ASIC2: variants seen among roughly 807,000 people sequenced by gnomAD.
ASIC2 encodes the protein acid-sensing ion channel 2.
ASIC2 carries 25 observed loss-of-function variants against 57.3 expected under a neutral mutation model. The observed-to-expected ratio is 0.44, with a 90% CI of 0.32 to 0.61. The LOEUF is 0.61. Ranked by LOEUF, ASIC2 falls within the 20% of genes least tolerant of loss-of-function variation. ASIC2 has a pLI of 0.06. For synonymous variants in ASIC2, 319 were observed against 307.5 expected (o/e 1.04, Z -0.39); for missense variants, 641 against 738.1 (o/e 0.87, Z 1.52).
At chr17:33,825,205 CCATAT>C (rs2141895867) in intron 1 of ASIC2, among the ~76,000 whole-genome samples, 1 of 152,254 alleles carries the variant, frequency 6.6e-6, no homozygotes, top group East Asian at 1.9e-4. Flanking sequence ...GCAGTAAATA[CCATAT>C]CATAAGAAGG....
At position 34,109,613 on chromosome 17, in the gene ASIC2, G is replaced by A. The variant is rs147102516; in HGVS notation, c.555+46365C>T. 3.1e-3 allele frequency among the ~76,000 whole-genome samples: 465 copies of A among 152,186 alleles called. 1 individual carries two copies. The Middle Eastern group carries it at 0.041, about 13-fold the overall frequency. ...GATATCCTTTCCAACACTTGGTAAC[G>A]TTACACACACCCAAACACATGCCCA... On this transcript the variant is annotated intron_variant, in intron 1 of 9. Transcript: ENST00000359872.
At chr17:33,710,992 GCTGT>G (rs10566563) in intron 1 of ASIC2, among the ~76,000 whole-genome samples, 52,553 of 151,524 alleles carry the variant, frequency 0.35, 10,662 homozygotes, top group African/African-American at 0.58. Context: ...TGTTATCCAG[GCTGT>G]CTGTCATACA....
chr17:33,028,857 G>A (rs1411709559), intron 3 of ASIC2, among the ~76,000 whole-genome samples: 2 of 152,160 alleles, frequency 1.3e-5, no homozygotes, highest in African/African-American at 4.8e-5. Context: ...CCTGGAGGAC[G>A]AAACCCAGAG....
intron 1 of ASIC2, among the ~76,000 whole-genome samples, chr17:33,298,927 A>G (rs543740131): frequency 6.6e-6 from 1 of 152,326 alleles, no homozygotes; most frequent in South Asian, 2.1e-4. Context: ...CCACTGCTCA[A>G]CGAAATAAAA....
At chr17:34,015,730 A>G (rs1906926223) in intron 1 of ASIC2, among the ~76,000 whole-genome samples, 1 of 152,268 alleles carries the variant, frequency 6.6e-6, no homozygotes, top group Non-Finnish European at 1.5e-5. Context: ...TTTTCTTAGC[A>G]TGTTTTAGGT....
intron 1 of ASIC2, among the ~76,000 whole-genome samples, chr17:33,845,853 A>T (rs868602115): frequency 1.6e-4 from 25 of 152,332 alleles, no homozygotes; most frequent in African/African-American, 6.0e-4. Context: ...GCTTGTAAGG[A>T]TGAGGCCACA....
chr17:33,881,694 A>G (rs1597914946), intron 1 of ASIC2, among the ~76,000 whole-genome samples: 2 of 152,322 alleles, frequency 1.3e-5, no homozygotes, highest in African/African-American at 4.8e-5. Context: ...GCCCAAGGTA[A>G]TTTATAGATT....
At chr17:33,447,675 A>G (rs1435175717) in intron 1 of ASIC2, among the ~76,000 whole-genome samples, 3 of 152,186 alleles carry the variant, frequency 2.0e-5, no homozygotes, top group Non-Finnish European at 4.4e-5. Context: ...GATAGCTTCA[A>G]GAGAGATACA....
intron 1 of ASIC2, among the ~76,000 whole-genome samples, chr17:33,665,835 C>T (rs1907455164): frequency 6.6e-6 from 1 of 152,148 alleles, no homozygotes; most frequent in Non-Finnish European, 1.5e-5. Context: ...TGGCTGCATT[C>T]TCCAAATTGA....
chr17:33,353,745 A>G (rs190081853), intron 1 of ASIC2, among the ~76,000 whole-genome samples: 1 of 152,234 alleles, frequency 6.6e-6, no homozygotes, highest in Non-Finnish European at 1.5e-5. Flanking sequence ...TCTTGGAACC[A>G]TTTTTATGAT....
chr17:33,756,466 C>T (rs1157179901), intron 1 of ASIC2, among the ~76,000 whole-genome samples: 1 of 152,218 alleles, frequency 6.6e-6, no homozygotes, highest in African/African-American at 2.4e-5. Context: ...GATGTCAGAG[C>T]TCCAACTCAA....
At chr17:33,777,792 G>T (rs1050972144) in intron 1 of ASIC2, among the ~76,000 whole-genome samples, 3 of 152,224 alleles carry the variant, frequency 2.0e-5, no homozygotes, top group African/African-American at 7.2e-5. Flanking sequence ...GGTAGCAGGT[G>T]TGCGGTTATT....
chr17:34,099,900 G>A (rs1910797846), intron 1 of ASIC2, among the ~76,000 whole-genome samples: 1 of 152,218 alleles, frequency 6.6e-6, no homozygotes, highest in African/African-American at 2.4e-5. Flanking sequence ...TGACTGGCAG[G>A]TCATACAGGG....
At chr17:34,131,530 C>T (rs1394326822) in intron 1 of ASIC2, among the ~76,000 whole-genome samples, 5 of 152,144 alleles carry the variant, frequency 3.3e-5, no homozygotes, top group African/African-American at 9.7e-5. Flanking sequence ...GAGCTGTCAC[C>T]CTCCAGGACC....
At chr17:34,089,269 A>C (rs1158031309) in intron 1 of ASIC2, among the ~76,000 whole-genome samples, 1 of 152,212 alleles carries the variant, frequency 6.6e-6, no homozygotes, top group African/African-American at 2.4e-5. Context: ...CAGTGTTAAC[A>C]AGGGTAGATA....
In ASIC2 at chr17:33,086,787, C is replaced by A. The variant is rs370519228; in HGVS notation, c.987+2076G>T. ...ACCTGAATATAGGGCCCCTGTCTCCCCGTCTCTGTGGGAGGGTAGGAGCCT... is the reference window on the plus strand; with the variant it reads ...ACCTGAATATAGGGCCCCTGTCTCCACGTCTCTGTGGGAGGGTAGGAGCCT... On this transcript the variant is annotated intron_variant, in intron 3 of 9. Transcript: ENST00000225823. 2.0e-5 allele frequency among the ~76,000 whole-genome samples: 3 copies of A among 152,286 alleles called. No homozygotes were observed. The East Asian group carries it at 5.8e-4, about 29-fold the overall frequency.
At chr17:33,922,198 G>A (rs748633215) in intron 1 of ASIC2, among the ~76,000 whole-genome samples, 2 of 152,192 alleles carry the variant, frequency 1.3e-5, no homozygotes, top group African/African-American at 4.8e-5. Flanking sequence ...ATCCTTGCTC[G>A]GCTGCTTGTT....
intron 3 of ASIC2, among the ~76,000 whole-genome samples, chr17:33,033,652 C>T (rs867003831): frequency 1.3e-5 from 2 of 152,128 alleles, no homozygotes; most frequent in South Asian, 4.1e-4. Context: ...AGGGTTGGGG[C>T]CATGAATGAC....
At chr17:34,016,423 C>CAAAAAAAAAAAAAA (rs398041640) in intron 1 of ASIC2, among the ~76,000 whole-genome samples, 3 of 41,462 alleles carry the variant, frequency 7.2e-5, no homozygotes, top group African/African-American at 2.5e-4. Flanking sequence ...GACTCCGTCT[C>CAAAAAAAAAAAAAA]AAAAAAAAAA....
Sources: allele counts gnomAD v4.1 joint callset (sites outside exome capture counted in the v4.1 genomes callset), GRCh38; gene constraint gnomAD v4.1.1; transcripts MANE v1.5; gene names NCBI Gene and HGNC (gene_info 2026-07-23, HGNC 2026-07-21).